MIER1: variants seen among roughly 807,000 people sequenced by gnomAD.
MIER1 encodes the protein MIER1 transcriptional regulator.
Under a neutral mutation model 75.7 loss-of-function variants are expected in MIER1, and 40 were observed. That is an observed-to-expected ratio of 0.53 (90% CI 0.41 to 0.69). The LOEUF (loss-of-function observed/expected upper bound fraction) is 0.69, where lower values mean the gene tolerates loss of function less well. Among genes scored for constraint, MIER1 ranks in the 30% least tolerant of loss-of-function variants. The probability of loss-of-function intolerance (pLI) is 0.00; values close to 1 mark genes in which losing one functional copy is unlikely to be tolerated. For missense variants in MIER1, 574 were observed against 680.2 expected (o/e 0.84, Z 1.74); for synonymous variants, 213 against 223.4 (o/e 0.95, Z 0.42).
chr1:66,955,221 G>T (rs954358355), intron 4 of MIER1, among the ~76,000 whole-genome samples: 1 of 150,192 alleles, frequency 6.7e-6, no homozygotes, highest in Admixed American at 6.7e-5. Flanking sequence ...TAAAGTTAAT[G>T]TTCAAGCTTT....
chr1:66,930,821 C>T (rs1653095457), intron 2 of MIER1, among the ~76,000 whole-genome samples: 1 of 152,150 alleles, frequency 6.6e-6, no homozygotes, highest in South Asian at 2.1e-4. Flanking sequence ...CCATTTGCGA[C>T]TGACATCCAG....
intron 4 of MIER1, chr1:66,946,776 C>T (rs1455438487): frequency 2.0e-6 from 2 of 985,216 alleles, no homozygotes; most frequent in Non-Finnish European, 2.4e-6. Flanking sequence ...TTCCTTGTTA[C>T]ATCCATTTTT....
intron 13 of MIER1, among the ~76,000 whole-genome samples, chr1:66,982,758 G>A (rs1399940460): frequency 1.7e-4 from 26 of 152,174 alleles, no homozygotes; most frequent in Admixed American, 1.6e-3. Context: ...CTGCTGGAGT[G>A]TATATGCTTA....
chr1:66,928,467 T>C (rs1239179227), intron 2 of MIER1, among the ~76,000 whole-genome samples: 2 of 152,164 alleles, frequency 1.3e-5, no homozygotes, highest in Non-Finnish European at 2.9e-5. Context: ...ATAAATTAGC[T>C]TTCATATGTT....
At chr1:66,963,753 C>T (rs1484161561) in intron 8 of MIER1, among the ~76,000 whole-genome samples, 2 of 151,920 alleles carry the variant, frequency 1.3e-5, no homozygotes, top group African/African-American at 4.8e-5. Flanking sequence ...ACTAAAAATA[C>T]AAAAATTAGC....
chr1:66,953,937 G>A (rs552799239), intron 4 of MIER1, among the ~76,000 whole-genome samples: 1 of 152,016 alleles, frequency 6.6e-6, no homozygotes, highest in South Asian at 2.1e-4. Context: ...ATAAGTAAGG[G>A]TATTTTTTTT....
intron 12 of MIER1, among the ~76,000 whole-genome samples, chr1:66,977,525 T>C (rs1267143738): frequency 1.3e-5 from 2 of 152,216 alleles, no homozygotes; most frequent in African/African-American, 4.8e-5. Flanking sequence ...AACTCTAGTG[T>C]AGTCCCATTG....
intron 2 of MIER1, chr1:66,932,821 T>C (rs1457255534): frequency 6.6e-6 from 1 of 151,928 alleles, no homozygotes; most frequent in East Asian, 1.9e-4. Context: ...CAGAGAAAAA[T>C]GTAGGTATTA....
In MIER1 at chr1:66,945,478, C is replaced by T. The variant is rs149909118; in HGVS notation, c.194-672C>T. 3.8e-3 allele frequency among the ~76,000 whole-genome samples: 572 copies of T among 152,092 alleles called. 15 individuals are homozygous for T. The highest frequency in any genetic ancestry group is 9.4e-3 in the East Asian group (49 of 5,188). On this transcript the variant is annotated intron_variant, in intron 3 of 13. Coordinates refer to ENST00000401041, the MANE Select transcript of MIER1 (RefSeq NM_001077700.3). ...CTGCTGTTGGTTGAATCCACATACA[C>T]AGAAGCCATGGACATGGAGGGCTGA...
chr1:66,929,400 G>A (rs1389744153), intron 2 of MIER1, among the ~76,000 whole-genome samples: 2 of 152,224 alleles, frequency 1.3e-5, no homozygotes, highest in Non-Finnish European at 2.9e-5. Flanking sequence ...GTGTTATTCA[G>A]TATGTGCCTT....
chr1:66,945,600 A>G (rs570120761), intron 3 of MIER1, among the ~76,000 whole-genome samples: 70 of 152,180 alleles, frequency 4.6e-4, no homozygotes, highest in African/African-American at 1.7e-3. Context: ...GGCCAGGTAC[A>G]CCTGTAATCC....
At position 66,985,333 on chromosome 1, in the gene MIER1, C is replaced by G. The variant is rs1666642033; in HGVS notation, c.*433C>G. The G allele has an allele frequency of 2.0e-6, 2 of 985,458 alleles. No individual in the cohort carries two copies. The highest frequency in any genetic ancestry group is 2.4e-6 in the Non-Finnish European group (2 of 829,884). 61.0% of individuals were successfully genotyped at this position (985,458 alleles called of 1,614,324 possible). A position where few individuals can be genotyped will look rare whatever the true frequency, so the allele number is the denominator to read the frequency against. On this transcript the variant is annotated 3_prime_UTR_variant, in exon 14 of 14. Coordinates refer to ENST00000401041, the MANE Select transcript of MIER1 (RefSeq NM_001077700.3). ...AAATTTCTGCTTAATACCAATTTCT[C>G]TGAGTTTCTTGAAATGTCTTTAAAA...
In MIER1 at chr1:66,986,379, A is replaced by T; in HGVS notation, c.*1479A>T. The T allele has an allele frequency of 6.2e-7, 1 of 1,606,484 alleles. No homozygotes were observed. The highest frequency in any genetic ancestry group is 8.5e-7 in the Non-Finnish European group (1 of 1,176,936). On this transcript the variant is annotated 3_prime_UTR_variant, in exon 14 of 14. Transcript: ENST00000401041. ...ATATCCAAACTTTTATAAAATATTAATTATTCTTGTTTTTCTCACACAGGC... is the reference window on the plus strand; with the variant it reads ...ATATCCAAACTTTTATAAAATATTATTTATTCTTGTTTTTCTCACACAGGC...
In MIER1 at chr1:66,981,783, T is replaced by C. The variant is rs1475295547; in HGVS notation, c.1234T>C (p.Tyr412His). 1 of 1,612,296 alleles carries C rather than the reference T, an allele frequency of 6.2e-7. No individual in the cohort carries two copies. The highest frequency in any genetic ancestry group is 8.5e-7 in the Non-Finnish European group (1 of 1,179,002). ...KYNLHPGVTD[Y>H]MDRLLDESES... is the part of the protein sequence containing the mutation. ...AATTGTTTTATTAATTTTAAGGGAT[T>C]ACATGGATCGTCTTCTAGACGAAAG... The change falls in exon 13 of 14, where the codon TAC becomes CAC. Residue 412 changes from tyrosine (Y) to histidine (H), a missense_variant. Physicochemically the swap from Tyr to His is moderately conservative, Grantham distance 83 (BLOSUM62 2). Transcript: ENST00000401041.
intron 8 of MIER1, among the ~76,000 whole-genome samples, chr1:66,967,888 T>C (rs1301641620): frequency 6.6e-6 from 1 of 152,140 alleles, no homozygotes; most frequent in Non-Finnish European, 1.5e-5. Context: ...GTTCTAATAG[T>C]TTTTTGTGGC....
chr1:66,956,790 A>G (rs1326182574), intron 4 of MIER1, among the ~76,000 whole-genome samples: 1 of 152,216 alleles, frequency 6.6e-6, no homozygotes, highest in Non-Finnish European at 1.5e-5. Flanking sequence ...TGTAATGGGA[A>G]ATAGAAGTTT....
At chr1:66,959,333 A>G (rs571705786) in intron 6 of MIER1, among the ~76,000 whole-genome samples, 1 of 152,234 alleles carries the variant, frequency 6.6e-6, no homozygotes, top group East Asian at 1.9e-4. Flanking sequence ...ATTCATAAAT[A>G]CACCTAAATT....
At chr1:66,933,678 AT>A (rs1032064431) in intron 2 of MIER1, among the ~76,000 whole-genome samples, 10 of 152,060 alleles carry the variant, frequency 6.6e-5, no homozygotes, top group South Asian at 2.1e-4. Flanking sequence ...CTAATAATGA[AT>A]TTTTTTTCAT....
Position 66,964,442 on chromosome 1 carries a change from T to C in MIER1, c.772+1282T>C, listed in dbSNP as rs1661925694. On this transcript the variant is annotated intron_variant, in intron 8 of 13. Coordinates refer to ENST00000401041, the MANE Select transcript of MIER1 (RefSeq NM_001077700.3). ...TGAGTTCCAGAAAAAATGCTGTGTA[T>C]GTTTCCTTTTTTTTTTTTTTTTTTT... 3.6e-5 allele frequency among the ~76,000 whole-genome samples: 4 copies of C among 110,730 alleles called. No individual in the cohort carries two copies. In the South Asian group the frequency reaches 1.4e-3, roughly 40 times the overall value. The allele number at this position is 110,730 out of a possible 152,430, so 72.6% of individuals were successfully genotyped here.
Sources: gnomAD v4.1 joint callset for allele counts (sites outside exome capture counted in the v4.1 genomes callset) on GRCh38, gnomAD v4.1.1 for gene constraint, MANE v1.5 for transcripts, NCBI Gene and HGNC (gene_info 2026-07-23, HGNC 2026-07-21) for gene names.